ZBTB7C: variants seen among roughly 807,000 people sequenced by gnomAD.
ZBTB7C encodes zinc finger and BTB domain-containing protein 7C.
Under a neutral mutation model 25.7 loss-of-function variants are expected in ZBTB7C, and 8 were observed. That is an observed-to-expected ratio of 0.31 (90% CI 0.18 to 0.56). ZBTB7C has a LOEUF of 0.56. Among genes scored for constraint, ZBTB7C ranks in the 20% least tolerant of loss-of-function variants. The pLI, the probability that ZBTB7C is intolerant of heterozygous loss-of-function variation, is 0.91. For missense variants in ZBTB7C, 824 were observed against 855.2 expected, an observed-to-expected ratio of 0.96 and a Z score of 0.46; for synonymous variants, 394 against 369.0, an observed-to-expected ratio of 1.07 and a Z score of -0.78.
At chr18:48,288,878 C>T (rs150618490) in intron 2 of ZBTB7C, among the ~76,000 whole-genome samples, 9 of 152,284 alleles carry the variant, frequency 5.9e-5, no homozygotes, top group African/African-American at 1.9e-4. Context: ...TACTTTGTTA[C>T]AGCAGCCTGA....
intron 2 of ZBTB7C, among the ~76,000 whole-genome samples, chr18:48,290,682 CCCTGGGCCTGCATCCTCTT>C (rs2045199759): frequency 6.6e-6 from 1 of 152,178 alleles, no homozygotes; most frequent in Non-Finnish European, 1.5e-5. Flanking sequence ...GGCGCCCGTC[CCCTGGGCCTGCATCCTCTT>C]CCTGGCAAGG....
intron 2 of ZBTB7C, among the ~76,000 whole-genome samples, chr18:48,260,759 G>A (rs1438260154): frequency 1.3e-5 from 2 of 152,166 alleles, no homozygotes; most frequent in Admixed American, 6.5e-5. Flanking sequence ...GGCCATGTTC[G>A]CCATAAGACC....
chr18:48,184,917 G>A (rs1170056710), intron 3 of ZBTB7C, among the ~76,000 whole-genome samples: 1 of 152,174 alleles, frequency 6.6e-6, no homozygotes, highest in East Asian at 1.9e-4. Flanking sequence ...TCTACTCAGT[G>A]TATAGACTGA....
rs1255659664 is a variant in ZBTB7C at position 48,040,323 on chromosome 18, C to T, written c.785G>A (p.Gly262Glu). ...APDFFPHLWP[G>E]DFGAFAQLPE... ...CAGCTGGGCAAAGGCACCGAAGTCCCCTGGCCAGAGGTGTGGAAAGAAGTC... is the reference window on the plus strand; with the variant it reads ...CAGCTGGGCAAAGGCACCGAAGTCCTCTGGCCAGAGGTGTGGAAAGAAGTC... Residue 262 changes from glycine to glutamate, a missense_variant, in exon 4 of 5, where the codon GGG becomes GAG. Physicochemically the swap from Gly to Glu is moderately conservative, Grantham distance 98. This residue lies in a region of ZBTB7C where 316 missense variants were observed against 299.2 expected (regional missense o/e 1.06). Transcript: ENST00000590800. The T allele has an allele frequency of 1.4e-5, 22 of 1,593,680 alleles. No individual in the cohort carries two copies. Among genetic ancestry groups the T allele is most frequent in the Non-Finnish European group, 1.8e-5 (21 of 1,171,062 alleles).
intron 3 of ZBTB7C, among the ~76,000 whole-genome samples, chr18:48,158,683 T>C (rs2144933833): frequency 6.6e-6 from 1 of 152,276 alleles, no homozygotes; most frequent in Non-Finnish European, 1.5e-5. Context: ...TTATTATTGA[T>C]TTGGCAGTGA....
At chr18:48,151,337 T>C (rs938376297) in intron 3 of ZBTB7C, among the ~76,000 whole-genome samples, 3 of 152,188 alleles carry the variant, frequency 2.0e-5, no homozygotes, top group Non-Finnish European at 2.9e-5. Context: ...TGAGCATCCT[T>C]AGACATACTG....
intron 2 of ZBTB7C, among the ~76,000 whole-genome samples, chr18:48,274,933 G>C (rs7235998): frequency 0.99 from 150,687 of 152,316 alleles, 74,553 homozygotes; most frequent in East Asian, 1. Flanking sequence ...CCTCCCTCCC[G>C]CTACAACACA....
At chr18:48,243,182 T>A (rs1166121573) in intron 2 of ZBTB7C, among the ~76,000 whole-genome samples, 3 of 148,522 alleles carry the variant, frequency 2.0e-5, no homozygotes, top group Non-Finnish European at 3.0e-5. Context: ...AAGAACTGCT[T>A]GAACCTGGGA....
chr18:48,045,290 T>C (rs1229131932), intron 3 of ZBTB7C, among the ~76,000 whole-genome samples: 1 of 152,052 alleles, frequency 6.6e-6, no homozygotes, highest in African/African-American at 2.4e-5. Flanking sequence ...TGGAGAGGGG[T>C]CCTCTCCCTT....
intron 3 of ZBTB7C, among the ~76,000 whole-genome samples, chr18:48,073,952 C>A (rs957460677): frequency 6.6e-6 from 1 of 152,220 alleles, no homozygotes; most frequent in East Asian, 1.9e-4. Flanking sequence ...GCCCCTCAGG[C>A]CCCAGCCAGG....
intron 2 of ZBTB7C, among the ~76,000 whole-genome samples, chr18:48,305,996 G>C (rs1364146480): frequency 6.6e-5 from 10 of 152,190 alleles, no homozygotes; most frequent in Non-Finnish European, 1.2e-4. Context: ...CAAACAAACA[G>C]AGCCTGAGCT....
intron 3 of ZBTB7C, among the ~76,000 whole-genome samples, chr18:48,107,594 A>G (rs936406677): frequency 1.3e-5 from 2 of 152,000 alleles, no homozygotes; most frequent in African/African-American, 4.8e-5. Context: ...TGGAGATAAG[A>G]AGGCTTGGAT....
chr18:48,092,988 G>A lies in ZBTB7C; in HGVS notation c.-16-51865C>T, dbSNP rs140554971. ...GAGGATGGAGGCATACAGGGGTTTT[G>A]CATTTCTACAGGGATCCTGCAAGTG... On this transcript the variant is annotated intron_variant, in intron 3 of 4. Transcript: ENST00000590800. Among the ~76,000 whole-genome samples, 55 of 152,298 alleles carry A rather than the reference G, an allele frequency of 3.6e-4. No individual in the cohort carries two copies. In the East Asian group the frequency reaches 9.3e-3, roughly 26 times the overall value.
intron 3 of ZBTB7C, among the ~76,000 whole-genome samples, chr18:48,081,057 T>C (rs1568202480): frequency 1.3e-5 from 2 of 152,244 alleles, no homozygotes; most frequent in African/African-American, 4.8e-5. Context: ...ATGGAGCTTC[T>C]CCCATTACTG....
At chr18:48,292,412 C>G (rs1171758953) in intron 2 of ZBTB7C, among the ~76,000 whole-genome samples, 1 of 152,128 alleles carries the variant, frequency 6.6e-6, no homozygotes. Context: ...CTGTGTGACT[C>G]CAGAGCTTTT....
intron 3 of ZBTB7C, among the ~76,000 whole-genome samples, chr18:48,069,265 G>T (rs142491274): frequency 6.6e-6 from 1 of 152,276 alleles, no homozygotes; most frequent in East Asian, 1.9e-4. Context: ...CACCACAATC[G>T]GAAAATGCCC....
At chr18:48,280,790 G>A (rs757384041) in intron 2 of ZBTB7C, among the ~76,000 whole-genome samples, 12 of 150,966 alleles carry the variant, frequency 7.9e-5, no homozygotes, top group East Asian at 1.9e-4. Flanking sequence ...CAAAATCCTC[G>A]ACTAGCTATT....
intron 3 of ZBTB7C, among the ~76,000 whole-genome samples, chr18:48,088,991 G>A (rs1352630115): frequency 6.6e-6 from 1 of 152,146 alleles, no homozygotes; most frequent in Admixed American, 6.5e-5. Context: ...CAAGAGTGCT[G>A]AATTGAAACC....
chr18:48,396,548 T>C (rs529096670), intron 1 of ZBTB7C, among the ~76,000 whole-genome samples: 2 of 152,328 alleles, frequency 1.3e-5, no homozygotes, highest in South Asian at 2.1e-4. Context: ...TATATTTAGT[T>C]GTAAGCTAGT....
Sources: gnomAD v4.1 joint callset for allele counts (sites outside exome capture counted in the v4.1 genomes callset) on GRCh38, gnomAD v4.1.1 for gene constraint, gnomAD v4.1.1 regional missense constraint, MANE v1.5 for transcripts, NCBI Gene and HGNC (gene_info 2026-07-23, HGNC 2026-07-21) for gene names.